The following LMTK3 variants were observed in gnomAD, a reference collection of about 807,000 sequenced individuals.
The protein encoded by LMTK3 is serine/threonine-protein kinase LMTK3.
Under a neutral mutation model 116.7 loss-of-function variants are expected in LMTK3, and 27 were observed. The observed-to-expected ratio is 0.23, with a 90% CI of 0.17 to 0.32. The LOEUF is 0.32. Ranked by LOEUF, LMTK3 falls within the 10% of genes least tolerant of loss-of-function variation. LMTK3 has a pLI of 1.00. For synonymous variants in LMTK3, 965 were observed against 971.0 expected (o/e 0.99, Z 0.11); for missense variants, 1,764 against 2,068.5 (o/e 0.85, Z 2.86).
chr19:48,485,827 T>C, intron 14 of LMTK3, 38 bp from the exon 15 acceptor site: 2 of 1,593,578 alleles, frequency 1.3e-6, no homozygotes, highest in Non-Finnish European at 1.7e-6. Context: ...ATGAAATTAC[T>C]AGGGGGACAG....
At position 48,493,782 on chromosome 19, in the gene LMTK3, C is replaced by T; in HGVS notation, c.4004G>A (p.Gly1335Glu). 6.5e-7 allele frequency: 1 copy of T among 1,540,028 alleles called. No individual in the cohort carries two copies. The highest frequency in any genetic ancestry group is 8.7e-7 in the Non-Finnish European group (1 of 1,143,874). ...PLRGLLKSPRGADEPEDSELE... is the reference protein window; with the variant it reads ...PLRGLLKSPREADEPEDSELE... ...CTCGCTGTCCTCTGGCTCGTCGGCC[C>T]CGCGCGGAGACTTGAGCAGCCCCCG... Residue 1335 changes from glycine (G) to glutamate (E), a missense_variant, in exon 12 of 15, where the codon GGG becomes GAG. Gly to Glu is a moderately conservative substitution (Grantham distance 98). Coordinates refer to ENST00000600059, the MANE Select transcript of LMTK3 (RefSeq NM_001388485.1).
chr19:48,497,257 G>C lies in LMTK3; in HGVS notation c.3676+136C>G, dbSNP rs1972343681. ...TAGAGAGGGGGCTGAGCCACGATGT[G>C]AGCCCAGGTGGTGCAGGCTTCAGGA... On this transcript the variant is annotated intron_variant, in intron 11 of 14. Transcript: ENST00000600059. This position sits in a 1 kb window ranked among gnomAD's most constrained non-coding sequence, Gnocchi z 5.7. 1.0e-5 allele frequency: 10 copies of C among 973,794 alleles called. No homozygotes were observed. The highest frequency in any genetic ancestry group is 1.1e-5 in the Non-Finnish European group (8 of 731,806). 60.3% of individuals were successfully genotyped at this position (973,794 alleles called of 1,614,324 possible).
intron 5 of LMTK3, among the ~76,000 whole-genome samples, chr19:48,504,102 C>A (rs1019853306): frequency 1.3e-5 from 2 of 151,866 alleles, no homozygotes; most frequent in Non-Finnish European, 2.9e-5. Context: ...TCCAGACCTC[C>A]GGTGATACGC....
Position 48,502,612 on chromosome 19 carries a change from C to A in LMTK3, c.646-31G>T, listed in dbSNP as rs776410014. 7.2e-6 allele frequency: 11 copies of A among 1,517,604 alleles called. No homozygotes were observed. The East Asian group carries it at 2.4e-4, about 32-fold the overall frequency. The allele number at this position is 1,517,604 out of a possible 1,614,324, so 94.0% of individuals were successfully genotyped here. On this transcript the variant is annotated intron_variant, in intron 6 of 14. Transcript: ENST00000600059. The stretch of plus-strand genomic sequence containing the variant: ...AGGGAGGCAAAGAAGGTCAGCACCA[C>A]CAGCCGCTCAGGTCTCCAGCTAGTC...
At chr19:48,485,874 G>A in intron 14 of LMTK3, 85 bp from the exon 15 acceptor site, 1 of 1,374,668 alleles carries the variant, frequency 7.3e-7, no homozygotes, top group Non-Finnish European at 9.9e-7. Context: ...GAAAAGCAAA[G>A]CCCTCACCCA....
intron 14 of LMTK3, among the ~76,000 whole-genome samples, chr19:48,488,786 CTG>C (rs1364361631): frequency 2.5e-4 from 37 of 146,864 alleles, no homozygotes; most frequent in African/African-American, 8.9e-4. Flanking sequence ...GTTGCCCAGG[CTG>C]GAGTGCAATG....
At chr19:48,493,619 C>G in intron 12 of LMTK3, 75 bp downstream of exon 12, 1 of 1,482,262 alleles carries the variant, frequency 6.7e-7, no homozygotes, top group Non-Finnish European at 9.0e-7. Context: ...GGCCTCCCGC[C>G]AGGCCCTTCC....
chr19:48,508,954 T>A lies in LMTK3; in HGVS notation c.454A>T (p.Ile152Phe). The change falls in exon 5 of 15, where the codon ATT (isoleucine) becomes TTT (phenylalanine). Residue 152 changes from isoleucine (I) to phenylalanine (F), a missense_variant. This residue lies in a region of LMTK3 where 271 missense variants were observed against 478.2 expected (regional missense o/e 0.57). Coordinates refer to ENST00000600059, the MANE Select transcript of LMTK3 (RefSeq NM_001388485.1). Reference sequence around the variant, plus strand: ...TGGGCGGGGGTGTAGTCGGAGAAAATCTCTCCCAGGATCACCTGGTCAAGG... The same window carrying A: ...TGGGCGGGGGTGTAGTCGGAGAAAAACTCTCCCAGGATCACCTGGTCAAGG... ...GWFGKVILGE[I>F]FSDYTPAQVV... is the part of the protein sequence containing the mutation. 1 of 1,608,404 alleles carries A rather than the reference T, an allele frequency of 6.2e-7. No individual in the cohort carries two copies.
At chr19:48,512,898 T>C (rs1972683963), upstream of LMTK3, among the ~76,000 whole-genome samples, 1 of 151,914 alleles carries the variant, frequency 6.6e-6, no homozygotes, top group African/African-American at 2.4e-5. Flanking sequence ...AGCACAGACA[T>C]AGGCACACAG....
rs74831762 is a variant in LMTK3 at position 48,497,084 on chromosome 19, C to T, written c.3676+309G>A. 3.1e-3 allele frequency among the ~76,000 whole-genome samples: 467 copies of T among 152,340 alleles called. 2 individuals are homozygous for T. The highest frequency in any genetic ancestry group is 0.011 in the African/African-American group (450 of 41,570). On this transcript the variant is annotated intron_variant, in intron 11 of 14. Transcript: ENST00000600059. The surrounding 1 kb of genome is among the most constrained non-coding windows in gnomAD (Gnocchi z 5.7). Reference sequence around the variant, plus strand: ...ATAAAAGCAGGTGCTTACTGAATCCCTTGCTCTGATTAAGTGCCTTGGATG... The same window carrying T: ...ATAAAAGCAGGTGCTTACTGAATCCTTTGCTCTGATTAAGTGCCTTGGATG...
At chr19:48,510,374 C>T (rs1972635707) in intron 2 of LMTK3, 85 bp downstream of exon 2, 2 of 1,508,882 alleles carry the variant, frequency 1.3e-6, no homozygotes, top group Non-Finnish European at 1.8e-6. Flanking sequence ...TTTACTGCCC[C>T]CTTCTCCCCA....
chr19:48,499,986 C>T, intron 10 of LMTK3, 69 bp from the exon 11 acceptor site: 1 of 1,431,408 alleles, frequency 7.0e-7, no homozygotes, highest in Non-Finnish European at 9.3e-7. Context: ...AGGGAGGGGA[C>T]AGACAACCAG....
In LMTK3 at chr19:48,491,315, C is replaced by T. The variant is rs1168351774; in HGVS notation, c.4229-70G>A. 4.5e-6 allele frequency: 6 copies of T among 1,344,178 alleles called. No homozygotes were observed. Among genetic ancestry groups the T allele is most frequent in the Non-Finnish European group, 5.7e-6 (6 of 1,045,010 alleles). 83.3% of individuals were successfully genotyped at this position (1,344,178 alleles called of 1,614,324 possible). On this transcript the variant is annotated intron_variant, in intron 13 of 14. Coordinates refer to ENST00000600059, the MANE Select transcript of LMTK3 (RefSeq NM_001388485.1). The surrounding 1 kb of genome is among the most constrained non-coding windows in gnomAD (Gnocchi z 5.1). ...GCACTCCCGCCCTCTGGTCCCGCCC[C>T]TCCCGACCAAGCCCCTCCCACCCCA...
intron 5 of LMTK3, among the ~76,000 whole-genome samples, chr19:48,503,424 C>T (rs1972507004): frequency 6.6e-6 from 1 of 152,032 alleles, no homozygotes; most frequent in Non-Finnish European, 1.5e-5. Flanking sequence ...TCCCCAGGTC[C>T]CCATCTCTGG....
intron 6 of LMTK3, 51 bp from the exon 7 acceptor site, chr19:48,502,632 C>G: frequency 1.3e-6 from 2 of 1,508,160 alleles, no homozygotes; most frequent in Non-Finnish European, 1.8e-6. Flanking sequence ...AGGTCTCCAG[C>G]TAGTCGGCCC....
In LMTK3 at chr19:48,494,517, G is replaced by C. The variant is rs887903565; in HGVS notation, c.3677-408C>G. Among the ~76,000 whole-genome samples, 4 of 152,170 alleles carry C rather than the reference G, an allele frequency of 2.6e-5. No individual in the cohort carries two copies. Among genetic ancestry groups the C allele is most frequent in the African/African-American group, 7.2e-5 (3 of 41,446 alleles). On this transcript the variant is annotated intron_variant, in intron 11 of 14. Transcript: ENST00000600059. This position sits in a 1 kb window ranked among gnomAD's most constrained non-coding sequence, Gnocchi z 4.0. ...GCTAATTTTTTGTATTTTTAGTAGA[G>C]ACGGGGTTTCACCATGCTGGCCAGG... is the stretch of plus-strand genomic sequence containing the variant.
intron 11 of LMTK3, among the ~76,000 whole-genome samples, chr19:48,496,522 C>T (rs898369330): frequency 1.3e-5 from 2 of 152,238 alleles, no homozygotes; most frequent in African/African-American, 2.4e-5. Flanking sequence ...TGGTCTTGAA[C>T]TCCTGACCTC....
intron 4 of LMTK3, 70 bp from the exon 5 acceptor site, chr19:48,509,039 TC>T: frequency 9.8e-7 from 1 of 1,017,820 alleles, no homozygotes; most frequent in Non-Finnish European, 1.5e-6. Flanking sequence ...CCAGCTCCAC[TC>T]CACCACACAG....
Position 48,494,891 on chromosome 19 carries a change from C to G in LMTK3, c.3677-782G>C, listed in dbSNP as rs1009629447. 2.6e-5 allele frequency among the ~76,000 whole-genome samples: 4 copies of G among 152,198 alleles called. No homozygotes were observed. The highest frequency in any genetic ancestry group is 9.7e-5 in the African/African-American group (4 of 41,434). ...GTGCCCTCTCTAGAACACTCTCCCA[C>G]CGATGTCCACCTGCCTCACTCCCTC... On this transcript the variant is annotated intron_variant, in intron 11 of 14. Coordinates refer to ENST00000600059, the MANE Select transcript of LMTK3 (RefSeq NM_001388485.1). The surrounding 1 kb of genome is among the most constrained non-coding windows in gnomAD (Gnocchi z 4.0).
Sources: gnomAD v4.1 joint callset for allele counts (sites outside exome capture counted in the v4.1 genomes callset) on GRCh38, gnomAD v4.1.1 for gene constraint, gnomAD v4.1.1 regional missense constraint, Gnocchi (gnomAD v3.1) non-coding constraint, MANE v1.5 for transcripts, NCBI Gene and HGNC (gene_info 2026-07-23, HGNC 2026-07-21) for gene names.